The following CADM2 variants were observed in gnomAD, a reference collection of about 807,000 sequenced individuals.
CADM2 encodes the protein cell adhesion molecule 2.
In CADM2, 12 loss-of-function variants were observed where a neutral mutation model predicts 49.8. The ratio of observed to expected loss-of-function variants is 0.24; its 90% CI spans 0.15 to 0.39. CADM2 has a LOEUF of 0.39. Among genes scored for constraint, CADM2 ranks in the 10% least tolerant of loss-of-function variants. CADM2 has a pLI of 1.00. For synonymous variants in CADM2, 214 were observed against 175.4 expected, an observed-to-expected ratio of 1.22 and a Z score of -1.74; for missense variants, 378 against 492.3, an observed-to-expected ratio of 0.77 and a Z score of 2.20.
At chr3:85,411,527 A>T (rs2035655733) in intron 1 of CADM2, among the ~76,000 whole-genome samples, 1 of 152,220 alleles carries the variant, frequency 6.6e-6, no homozygotes, top group Admixed American at 6.5e-5. Flanking sequence ...CAAATCGTGG[A>T]TTAGTATTAA....
At chr3:85,303,538 T>C (rs751276900) in intron 1 of CADM2, among the ~76,000 whole-genome samples, 15 of 151,916 alleles carry the variant, frequency 9.9e-5, no homozygotes, top group Non-Finnish European at 2.1e-4. Context: ...CCTACATAAA[T>C]TGCTTGTGAA....
At chr3:85,411,494 T>A (rs1349488889) in intron 1 of CADM2, among the ~76,000 whole-genome samples, 2 of 152,210 alleles carry the variant, frequency 1.3e-5, no homozygotes, top group East Asian at 3.8e-4. Flanking sequence ...AGTGGGATGA[T>A]TCTTTACGGA....
rs1183255924 is a variant in CADM2 at position 84,959,374 on chromosome 3, C to CAGG, written c.-222_-220dup. 2.3e-5 allele frequency: 13 copies of CAGG among 570,800 alleles called. No homozygotes were observed. The highest frequency in any genetic ancestry group is 3.1e-5 in the Non-Finnish European group (10 of 321,040). The allele number at this position is 570,800 out of a possible 1,614,324, so 35.4% of individuals were successfully genotyped here. On this transcript the variant is annotated 5_prime_UTR_variant, in exon 1 of 10. Coordinates refer to ENST00000383699, the MANE Select transcript of CADM2 (RefSeq NM_001167675.2). ...CGGGCTGTCGCGGCTGCACCACCAG[C>CAGG]AGGAGGAGGAGGAGAAGAAACTATT... is the stretch of plus-strand genomic sequence containing the variant.
intron 8 of CADM2, among the ~76,000 whole-genome samples, chr3:86,017,846 T>A (rs529505279): frequency 2.0e-5 from 3 of 149,570 alleles, no homozygotes; most frequent in Non-Finnish European, 3.0e-5. Context: ...CTTTTTTTTT[T>A]ATAAAGTCTT....
chr3:84,998,873 AT>A (rs1238616301), intron 1 of CADM2, among the ~76,000 whole-genome samples: 4 of 152,182 alleles, frequency 2.6e-5, no homozygotes. Flanking sequence ...ATGCAAAAAA[AT>A]ATTTTATTTG....
At chr3:85,460,576 A>G (rs1021820589) in intron 1 of CADM2, among the ~76,000 whole-genome samples, 2 of 152,134 alleles carry the variant, frequency 1.3e-5, no homozygotes, top group African/African-American at 2.4e-5. Context: ...ATGCCTTTAA[A>G]GTCTCCATTG....
At chr3:85,908,156 T>C (rs1411508833) in intron 5 of CADM2, among the ~76,000 whole-genome samples, 1 of 151,086 alleles carries the variant, frequency 6.6e-6, no homozygotes, top group African/African-American at 2.4e-5. Context: ...ATTATAAACC[T>C]AGGAAAGATG....
chr3:85,514,696 A>T (rs6804845), intron 1 of CADM2, among the ~76,000 whole-genome samples: 2 of 151,876 alleles, frequency 1.3e-5, no homozygotes, highest in South Asian at 2.1e-4. Flanking sequence ...GTCTCTCATG[A>T]GTTGCTCCTT....
chr3:85,347,628 T>TATATATATATACATATATAA (rs1397084455), intron 1 of CADM2, among the ~76,000 whole-genome samples: 1 of 142,372 alleles, frequency 7.0e-6, no homozygotes, highest in Non-Finnish European at 1.5e-5. Flanking sequence ...TACATATATA[T>TATATATATATACATATATAA]AAATATATAT....
chr3:85,183,857 A>G (rs2040992032), intron 1 of CADM2, among the ~76,000 whole-genome samples: 1 of 152,150 alleles, frequency 6.6e-6, no homozygotes, highest in African/African-American at 2.4e-5. Flanking sequence ...AGAATGATGC[A>G]ACTCAATGCA....
At chr3:85,026,162 AAGTTTTCAT>A (rs2034719112) in intron 1 of CADM2, among the ~76,000 whole-genome samples, 1 of 152,202 alleles carries the variant, frequency 6.6e-6, no homozygotes, top group South Asian at 2.1e-4. Context: ...ATTCTTGAAT[AAGTTTTCAT>A]ATCAGATAAA....
chr3:84,978,915 T>C (rs2031995519), intron 1 of CADM2, among the ~76,000 whole-genome samples: 1 of 152,156 alleles, frequency 6.6e-6, no homozygotes, highest in East Asian at 1.9e-4. Context: ...TTAAATCTTA[T>C]TTCAGAGGAA....
At chr3:85,811,642 A>G (rs2072883109) in intron 3 of CADM2, among the ~76,000 whole-genome samples, 1 of 152,172 alleles carries the variant, frequency 6.6e-6, no homozygotes. Context: ...AGTTGGCAAA[A>G]CATACAGAAT....
intron 1 of CADM2, among the ~76,000 whole-genome samples, chr3:85,563,737 C>G (rs989776265): frequency 6.6e-6 from 1 of 152,070 alleles, no homozygotes; most frequent in Non-Finnish European, 1.5e-5. Context: ...TCCAAATTTG[C>G]ACGGTGATGA....
At chr3:85,658,010 CA>C (rs769168997) in intron 1 of CADM2, among the ~76,000 whole-genome samples, 1 of 151,878 alleles carries the variant, frequency 6.6e-6, no homozygotes, top group Non-Finnish European at 1.5e-5. Context: ...CTTTATTAGG[CA>C]ATGGGGATTC....
chr3:86,046,241 T>G, intron 8 of CADM2, among the ~76,000 whole-genome samples: 1 of 152,212 alleles, frequency 6.6e-6, no homozygotes, highest in East Asian at 1.9e-4. Flanking sequence ...TTTGAATATT[T>G]TGTTTACATG....
At chr3:85,204,955 G>C (rs2041595994) in intron 1 of CADM2, among the ~76,000 whole-genome samples, 1 of 151,000 alleles carries the variant, frequency 6.6e-6, no homozygotes, top group African/African-American at 2.4e-5. Context: ...AATGAATTTA[G>C]CACTGAGAAA....
chr3:85,671,706 C>G (rs2065741824), intron 1 of CADM2, among the ~76,000 whole-genome samples: 1 of 152,124 alleles, frequency 6.6e-6, no homozygotes, highest in African/African-American at 2.4e-5. Flanking sequence ...ACTTGTTGTT[C>G]TCTATGCCTG....
rs566287730 is a variant in CADM2, at chr3:85,509,380, C to T, written c.62-217142C>T. Among the ~76,000 whole-genome samples the T allele has an allele frequency of 6.6e-5, 10 of 152,228 alleles. No homozygotes were observed. In the South Asian group the frequency reaches 1.0e-3, roughly 16 times the overall value. ...ATAATCCCTTATGGTATCACTATCA[C>T]GATCATGGTCCAAACAATATTGCAA... is the stretch of plus-strand genomic sequence containing the variant. On this transcript the variant is annotated intron_variant, in intron 1 of 9. Transcript: ENST00000383699.
Sources: allele counts gnomAD v4.1 joint callset (sites outside exome capture counted in the v4.1 genomes callset), GRCh38; gene constraint gnomAD v4.1.1; transcripts MANE v1.5; gene names NCBI Gene and HGNC (gene_info 2026-07-23, HGNC 2026-07-21).